Variants in OSBPL9 observed in about 807,000 individuals in gnomAD.
OSBPL9 encodes the protein oxysterol binding protein like 9, also known as oxysterol-binding protein-related protein 9.
A neutral mutation model predicts 106.6 loss-of-function variants in OSBPL9; 40 were observed. The ratio of observed to expected loss-of-function variants is 0.38; its 90% confidence interval spans 0.29 to 0.49. The LOEUF is 0.49. Ranked by LOEUF, OSBPL9 falls within the 20% of genes least tolerant of loss-of-function variation. OSBPL9 has a pLI of 0.97. For missense variants in OSBPL9, 609 were observed against 887.2 expected, an observed-to-expected ratio of 0.69 and a Z score of 3.98; for synonymous variants, 269 against 295.4, an observed-to-expected ratio of 0.91 and a Z score of 0.92.
At chr1:51,545,423 A>G in the OSBPL9 span, among the ~76,000 whole-genome samples, 2 of 152,162 alleles carry the variant, frequency 1.3e-5, no homozygotes, top group Non-Finnish European at 2.9e-5. Context: ...AAATAAAAAA[A>G]TTATCCAGGC....
the OSBPL9 span, among the ~76,000 whole-genome samples, chr1:51,538,955 G>T: frequency 6.6e-6 from 1 of 152,094 alleles, no homozygotes; most frequent in Non-Finnish European, 1.5e-5. Flanking sequence ...CACTCTCTTT[G>T]TCTATTCCAC....
chr1:51,558,014 A>AG, the OSBPL9 span, among the ~76,000 whole-genome samples: 3 of 152,166 alleles, frequency 2.0e-5, no homozygotes, highest in African/African-American at 4.8e-5. Flanking sequence ...TTAAAAAAAA[A>AG]TCATGCCTGT....
chr1:51,538,813 T>A, the OSBPL9 span: 87,337 of 152,054 alleles, frequency 0.57, 26,537 homozygotes, highest in African/African-American at 0.72. Context: ...ATCATCAGTG[T>A]CCAATATTTT....
chr1:51,620,143 A>C (rs900838233), intron 1 of OSBPL9, among the ~76,000 whole-genome samples: 1 of 152,178 alleles, frequency 6.6e-6, no homozygotes, highest in Non-Finnish European at 1.5e-5. Flanking sequence ...TTTTTATTAG[A>C]TGAAATGGCC....
intron 4 of OSBPL9, among the ~76,000 whole-genome samples, chr1:51,718,780 C>T (rs892158551): frequency 6.6e-6 from 1 of 152,156 alleles, no homozygotes; most frequent in South Asian, 2.1e-4. Context: ...GAATTATAGC[C>T]TGTTCCCTTC....
chr1:51,549,798 A>C, the OSBPL9 span, among the ~76,000 whole-genome samples: 1 of 152,308 alleles, frequency 6.6e-6, no homozygotes. Flanking sequence ...GTGCCACTGC[A>C]CTCCAGCCTG....
intron 4 of OSBPL9, among the ~76,000 whole-genome samples, chr1:51,721,068 G>C (rs1387002514): frequency 6.6e-6 from 1 of 151,842 alleles, no homozygotes; most frequent in African/African-American, 2.4e-5. Context: ...CAAAGTGCTG[G>C]GATTAGAGGC....
chr1:51,748,078 C>T (rs148785455), intron 6 of OSBPL9, among the ~76,000 whole-genome samples: 157 of 152,228 alleles, frequency 1.0e-3, no homozygotes, highest in African/African-American at 3.5e-3. Context: ...CTCAAGCCAC[C>T]GTGCCCAGCC....
chr1:51,676,593 A>G lies in OSBPL9; in HGVS notation c.241+7081A>G, dbSNP rs142074455. On this transcript the variant is annotated intron_variant, in intron 3 of 23. Transcript: ENST00000428468. ...AGGATGACTTGAACTCAGGAGGCAA[A>G]GATTTCAGTGAGCCGAGATCGCGCC... is the stretch of plus-strand genomic sequence containing the variant. Among the ~76,000 whole-genome samples the G allele has an allele frequency of 3.6e-3, 541 of 151,488 alleles. 3 individuals carry two copies. The highest frequency in any genetic ancestry group is 6.4e-3 in the Non-Finnish European group (433 of 67,840).
At chr1:51,593,506 G>A (rs577145334) in intron 1 of OSBPL9, among the ~76,000 whole-genome samples, 1 of 152,164 alleles carries the variant, frequency 6.6e-6, no homozygotes, top group East Asian at 1.9e-4. Context: ...CCCTGAAGAT[G>A]CCACTGCTGG....
In OSBPL9 at chr1:51,609,342, CTT is replaced by C. The variant is rs1212729230; in HGVS notation, c.-352-4946_-352-4945del. ...TATGCCTTCAGCTACCTTCTCTCTC[CTT>C]TTTTTTTTTTTTTTTTAGAGATAGG... On this transcript the variant is annotated intron_variant, in intron 2 of 25. Transcript: ENST00000371714. 3.6e-4 allele frequency among the ~76,000 whole-genome samples: 50 copies of C among 138,154 alleles called. 1 individual carries two copies. Among genetic ancestry groups the C allele is most frequent in the Admixed American group, 4.4e-4 (6 of 13,696 alleles). The allele number at this position is 138,154 out of a possible 152,430, so 90.6% of individuals were successfully genotyped here.
At chr1:51,771,803 T>A (rs938379147) in intron 12 of OSBPL9, among the ~76,000 whole-genome samples, 1 of 152,174 alleles carries the variant, frequency 6.6e-6, no homozygotes, top group Non-Finnish European at 1.5e-5. Context: ...TTATACCCAG[T>A]AACAAAATCA....
At chr1:51,660,248 A>G (rs573650844) in intron 2 of OSBPL9, among the ~76,000 whole-genome samples, 9 of 152,348 alleles carry the variant, frequency 5.9e-5, no homozygotes, top group African/African-American at 2.2e-4. Flanking sequence ...TATCTTTATG[A>G]TGTCAAGATA....
intron 1 of OSBPL9, among the ~76,000 whole-genome samples, chr1:51,634,167 C>T (rs1645280893): frequency 6.6e-6 from 1 of 152,016 alleles, no homozygotes; most frequent in Admixed American, 6.6e-5. Flanking sequence ...CTTCTTGTTC[C>T]CTTTTTATAA....
At chr1:51,637,493 A>T (rs1014456940) in intron 1 of OSBPL9, among the ~76,000 whole-genome samples, 32 of 152,178 alleles carry the variant, frequency 2.1e-4, no homozygotes, top group Non-Finnish European at 4.3e-4. Flanking sequence ...AATAAATAAA[A>T]CTAAATAAAA....
upstream of OSBPL9, among the ~76,000 whole-genome samples, chr1:51,575,968 C>A (rs774501309): frequency 7.9e-5 from 12 of 152,230 alleles, no homozygotes; most frequent in Non-Finnish European, 7.3e-5. Context: ...CTGGCCCAAG[C>A]CCCTTTCCCT....
chr1:51,762,142 T>C (rs1186499205), intron 11 of OSBPL9, among the ~76,000 whole-genome samples, 171 bp downstream of exon 11: 1 of 152,202 alleles, frequency 6.6e-6, no homozygotes, highest in Non-Finnish European at 1.5e-5. Flanking sequence ...AGCTTTGTGT[T>C]TGAAAGAGAA....
intron 2 of OSBPL9, among the ~76,000 whole-genome samples, chr1:51,656,002 A>ACAGTTAC (rs1323698428): frequency 1.3e-5 from 2 of 152,232 alleles, no homozygotes. Context: ...TGTTTACAAT[A>ACAGTTAC]CAGTTACCAA....
intron 20 of OSBPL9, chr1:51,784,886 T>C: frequency 2.8e-6 from 1 of 351,544 alleles, no homozygotes; most frequent in Non-Finnish European, 5.2e-6. Context: ...AATTTATTCT[T>C]GCCAGATTGA....
Sources: allele counts gnomAD v4.1 joint callset (sites outside exome capture counted in the v4.1 genomes callset), GRCh38; gene constraint gnomAD v4.1.1; transcripts MANE v1.5; gene names NCBI Gene and HGNC (gene_info 2026-07-23, HGNC 2026-07-21).